Variants in LIN28A observed in about 807,000 individuals in gnomAD.
LIN28A encodes protein lin-28 homolog A.
Under a neutral mutation model 21.1 loss-of-function variants are expected in LIN28A, and 11 were observed. That is an observed-to-expected ratio of 0.52 (90% CI 0.33 to 0.86). The LOEUF (loss-of-function observed/expected upper bound fraction) is 0.86. Ranked by LOEUF, LIN28A falls within the 40% of genes least tolerant of loss-of-function variation. LIN28A has a pLI of 0.03. For missense variants in LIN28A, 219 were observed against 279.8 expected (o/e 0.78, Z 1.55); for synonymous variants, 111 against 108.7 (o/e 1.02, Z -0.13).
chr1:26,415,063 G>A, intron 2 of LIN28A, among the ~76,000 whole-genome samples: 1 of 152,124 alleles, frequency 6.6e-6, no homozygotes, highest in East Asian at 1.9e-4. Context: ...AATAAGAAAA[G>A]TTCCCTGCTT....
At chr1:26,426,169 GTCC>G in intron 3 of LIN28A, 70 bp from the exon 4 acceptor site, 1 of 1,223,986 alleles carries the variant, frequency 8.2e-7, no homozygotes, top group Non-Finnish European at 1.2e-6. Flanking sequence ...GAGCCCAGGT[GTCC>G]TCATTCGTGG....
chr1:26,420,060 C>T (rs1261072879), intron 2 of LIN28A, among the ~76,000 whole-genome samples: 4 of 152,240 alleles, frequency 2.6e-5, no homozygotes, highest in East Asian at 1.9e-4. Flanking sequence ...CAGATTCAAG[C>T]GATCCTTCTA....
chr1:26,411,609 C>T lies in LIN28A; in HGVS notation c.228+27C>T. 6.2e-7 allele frequency: 1 copy of T among 1,602,318 alleles called. No individual in the cohort carries two copies. Among genetic ancestry groups the T allele is most frequent in the Non-Finnish European group, 8.5e-7 (1 of 1,176,322 alleles). On this transcript the variant is annotated intron_variant, in intron 2 of 3. Coordinates refer to ENST00000326279, the MANE Select transcript of LIN28A (RefSeq NM_024674.6). The surrounding 1 kb of genome is among the most constrained non-coding windows in gnomAD (Gnocchi z 5.4). ...TGAGACTGATTCCGGTAACTTTGCCCAGGGAAGGGCGTCTAGGCGCCCATA... is the reference window on the plus strand; with the variant it reads ...TGAGACTGATTCCGGTAACTTTGCCTAGGGAAGGGCGTCTAGGCGCCCATA...
In LIN28A at chr1:26,426,438, C is replaced by T; in HGVS notation, c.610C>T (p.Leu204Phe). 6 of 1,614,152 alleles carry T rather than the reference C, an allele frequency of 3.7e-6. No individual in the cohort carries two copies. The highest frequency in any genetic ancestry group is 5.1e-6 in the Non-Finnish European group (6 of 1,179,964). Residue 204 changes from leucine (L) to phenylalanine (F), a missense_variant, in exon 4 of 4, where the codon CTC becomes TTC. This residue lies in a region of LIN28A where 45 missense variants were observed against 37.7 expected (regional missense o/e 1.19). Transcript: ENST00000326279. ...EEEEIHSPTL[L>F]PEAQN is the part of the protein sequence containing the mutation. ...AGAAGAAATCCACAGCCCTACCCTG[C>T]TCCCGGAGGCACAGAATTGAGCCAC...
At chr1:26,414,260 C>A (rs1376368444) in intron 2 of LIN28A, among the ~76,000 whole-genome samples, 1 of 151,138 alleles carries the variant, frequency 6.6e-6, no homozygotes, top group Non-Finnish European at 1.5e-5. Context: ...AACAAAACTT[C>A]CCATTCTTTG....
intron 2 of LIN28A, among the ~76,000 whole-genome samples, chr1:26,413,944 C>T (rs747104786): frequency 2.0e-5 from 3 of 151,570 alleles, no homozygotes; most frequent in African/African-American, 4.9e-5. Context: ...TCTCCTGCCT[C>T]AGCTTCCTGA....
At chr1:26,418,985 A>T (rs1322489826) in intron 2 of LIN28A, among the ~76,000 whole-genome samples, 1 of 152,092 alleles carries the variant, frequency 6.6e-6, no homozygotes, top group Non-Finnish European at 1.5e-5. Flanking sequence ...TGACCACCAG[A>T]ACCAGCCAGT....
intron 2 of LIN28A, among the ~76,000 whole-genome samples, chr1:26,423,387 A>G (rs1414903221): frequency 1.2e-5 from 1 of 83,224 alleles, no homozygotes; most frequent in East Asian, 4.1e-4. Context: ...TGCAGCCATT[A>G]TTATGATTTC....
intron 3 of LIN28A, among the ~76,000 whole-genome samples, chr1:26,425,989 C>T (rs977669936): frequency 1.2e-4 from 19 of 152,080 alleles, no homozygotes; most frequent in Admixed American, 6.6e-5. Context: ...TAGTTGGGGT[C>T]AGTAACTTAT....
chr1:26,412,841 C>T (rs556915179), intron 2 of LIN28A, among the ~76,000 whole-genome samples: 8 of 152,164 alleles, frequency 5.3e-5, no homozygotes, highest in Non-Finnish European at 7.4e-5. Context: ...GGGAAATAGA[C>T]GCAGGGAGAT....
Position 26,426,550 on chromosome 1 carries a change from G to C in LIN28A, c.*92G>C. The C allele has an allele frequency of 6.4e-6, 6 of 939,400 alleles. No homozygotes were observed. The highest frequency in any genetic ancestry group is 1.0e-5 in the Non-Finnish European group (6 of 594,568). 58.2% of individuals were successfully genotyped at this position (939,400 alleles called of 1,614,324 possible). On this transcript the variant is annotated 3_prime_UTR_variant, in exon 4 of 4. Transcript: ENST00000326279. ...GTGGGAATAGGGTGCATTGGGGCTA[G>C]TTGGCACTGCCATGTATCTCAGGCT...
At chr1:26,423,413 C>CTTTTTTTTTTTTTTTTTTTTT (rs1202952934) in intron 2 of LIN28A, among the ~76,000 whole-genome samples, 19 of 78,822 alleles carry the variant, frequency 2.4e-4, no homozygotes, top group Non-Finnish European at 3.1e-4. Context: ...TTTTCTTTTT[C>CTTTTTTTTTTTTTTTTTTTTT]TTTTTTTTTT....
chr1:26,416,910 A>G (rs2074996896), intron 2 of LIN28A, among the ~76,000 whole-genome samples: 1 of 152,092 alleles, frequency 6.6e-6, no homozygotes, highest in African/African-American at 2.4e-5. Flanking sequence ...ATGAGCCACC[A>G]TGACTGGCCC....
At chr1:26,418,521 G>GTCCAGCCT (rs1261648687) in intron 2 of LIN28A, among the ~76,000 whole-genome samples, 1 of 150,006 alleles carries the variant, frequency 6.7e-6, no homozygotes, top group African/African-American at 2.5e-5. Context: ...ACTCCGGCCT[G>GTCCAGCCT]GGCAACAGAG....
intron 2 of LIN28A, among the ~76,000 whole-genome samples, chr1:26,412,634 C>T (rs2074967806): frequency 6.6e-6 from 1 of 151,644 alleles, no homozygotes; most frequent in Non-Finnish European, 1.5e-5. Context: ...GACACCCAGG[C>T]CGGGCAGGGA....
rs1367752334 is a variant in LIN28A at position 26,427,442 on chromosome 1, A to G, written c.*984A>G. 2 of 152,590 alleles carry G rather than the reference A, an allele frequency of 1.3e-5. No individual in the cohort carries two copies. The highest frequency in any genetic ancestry group is 4.8e-5 in the African/African-American group (2 of 41,426). 9.5% of individuals were successfully genotyped at this position (152,590 alleles called of 1,614,324 possible). A position where few individuals can be genotyped will look rare whatever the true frequency, so the allele number is the denominator to read the frequency against. On this transcript the variant is annotated 3_prime_UTR_variant, in exon 4 of 4. Transcript: ENST00000326279. ...ACCCCCTCTGCCTTGAAAATGTTTT[A>G]TGGGAGACTAGGTTTTAACTGGGTG...
chr1:26,423,413 C>CTTTTTCTTTTT (rs2075038872), intron 2 of LIN28A, among the ~76,000 whole-genome samples: 1 of 78,822 alleles, frequency 1.3e-5, no homozygotes, highest in Non-Finnish European at 2.2e-5. Flanking sequence ...TTTTCTTTTT[C>CTTTTTCTTTTT]TTTTTTTTTT....
chr1:26,415,788 C>T (rs989075115), intron 2 of LIN28A, among the ~76,000 whole-genome samples: 4 of 152,114 alleles, frequency 2.6e-5, no homozygotes, highest in Admixed American at 6.6e-5. Flanking sequence ...AGGTTCCTCT[C>T]GTTTTTGTTG....
Position 26,411,543 on chromosome 1 carries a change from G to T in LIN28A, c.189G>T (p.Gly63=). 2 of 1,613,904 alleles carry T rather than the reference G, an allele frequency of 1.2e-6. No individual in the cohort carries two copies. The highest frequency in any genetic ancestry group is 1.7e-6 in the Non-Finnish European group (2 of 1,179,934). ...TCCTGTCCATGACCGCCCGCGCCGG[G>T]GTCGCGCTCGACCCCCCAGTGGATG... ...FGFLSMTARA[G]VALDPPVDVF... The change falls in exon 2 of 4, where the codon GGG becomes GGT. Residue 63 remains glycine (G), a synonymous_variant. Coordinates refer to ENST00000326279, the MANE Select transcript of LIN28A (RefSeq NM_024674.6). The surrounding 1 kb of genome is among the most constrained non-coding windows in gnomAD (Gnocchi z 5.4).
Sources: allele counts gnomAD v4.1 joint callset (sites outside exome capture counted in the v4.1 genomes callset), GRCh38; gene constraint gnomAD v4.1.1; regional missense constraint gnomAD v4.1.1; non-coding constraint Gnocchi (gnomAD v3.1); transcripts MANE v1.5; gene names NCBI Gene and HGNC (gene_info 2026-07-23, HGNC 2026-07-21).